PTPRF: variants seen among roughly 807,000 people sequenced by gnomAD.
PTPRF encodes receptor-type tyrosine-protein phosphatase F.
In PTPRF, 59 loss-of-function variants were observed where a neutral mutation model predicts 201.8. The ratio of observed to expected loss-of-function variants is 0.29; its 90% CI spans 0.24 to 0.36. The LOEUF is 0.36. Among genes scored for constraint, PTPRF ranks in the 10% least tolerant of loss-of-function variants. The pLI, the probability that PTPRF is intolerant of heterozygous loss-of-function variation, is 1.00. For synonymous variants in PTPRF, 1,088 were observed against 1,089.7 expected, an observed-to-expected ratio of 1.00 and a Z score of 0.03; for missense variants, 2,132 against 2,690.5, an observed-to-expected ratio of 0.79 and a Z score of 4.59.
chr1:43,605,063 C>A, intron 17 of PTPRF, 63 bp downstream of exon 17: 1 of 1,588,584 alleles, frequency 6.3e-7, no homozygotes, highest in African/African-American at 1.3e-5. Flanking sequence ...TGCTGTCTTT[C>A]CAGTCCTAAC....
At position 43,603,582 on chromosome 1, in the gene PTPRF, G is replaced by T. The variant is rs770208302; in HGVS notation, c.2459-29G>T. ...CTGAGGGTGGGGCAGCAGGAGGGCAGCGCCAGAGCCCAGCCCGTGGTCCTT... is the reference window on the plus strand; with the variant it reads ...CTGAGGGTGGGGCAGCAGGAGGGCATCGCCAGAGCCCAGCCCGTGGTCCTT... On this transcript the variant is annotated intron_variant, in intron 15 of 33. Coordinates refer to ENST00000359947, the MANE Select transcript of PTPRF (RefSeq NM_002840.5). The surrounding 1 kb of genome is among the most constrained non-coding windows in gnomAD (Gnocchi z 5.8). 1.9e-6 allele frequency: 3 copies of T among 1,612,574 alleles called. No individual in the cohort carries two copies. The highest frequency in any genetic ancestry group is 2.7e-5 in the African/African-American group (2 of 75,034).
At chr1:43,584,454 C>T (rs769202721) in intron 7 of PTPRF, among the ~76,000 whole-genome samples, 1 of 152,196 alleles carries the variant, frequency 6.6e-6, no homozygotes, top group Non-Finnish European at 1.5e-5. Context: ...TCTGCGAGGG[C>T]GTCCAGAAAA....
intron 11 of PTPRF, among the ~76,000 whole-genome samples, chr1:43,596,852 C>T (rs11210883): frequency 0.26 from 39,591 of 152,020 alleles, 6,105 homozygotes; most frequent in East Asian, 0.48. Context: ...GGAGAGACCT[C>T]GTGTGAGAGA....
At chr1:43,552,553 G>T (rs76444055) in intron 3 of PTPRF, among the ~76,000 whole-genome samples, 2 of 152,312 alleles carry the variant, frequency 1.3e-5, no homozygotes, top group African/African-American at 4.8e-5. Flanking sequence ...CCAAACAGGT[G>T]GTCTGAAAGG....
At position 43,603,591 on chromosome 1, in the gene PTPRF, C is replaced by T; in HGVS notation, c.2459-20C>T. 6.2e-7 allele frequency: 1 copy of T among 1,612,484 alleles called. No individual in the cohort carries two copies. Among genetic ancestry groups the T allele is most frequent in the Non-Finnish European group, 8.5e-7 (1 of 1,179,062 alleles). On this transcript the variant is annotated intron_variant, in intron 15 of 33. Transcript: ENST00000359947. The surrounding 1 kb of genome is among the most constrained non-coding windows in gnomAD (Gnocchi z 5.8). ...GGGCAGCAGGAGGGCAGCGCCAGAG[C>T]CCAGCCCGTGGTCCTTCAGTCCCAG...
chr1:43,609,240 C>T (rs978760305), intron 21 of PTPRF, 143 bp from the exon 22 acceptor site: 11 of 658,206 alleles, frequency 1.7e-5, no homozygotes, highest in Admixed American at 2.6e-5. Context: ...CTGGCTCCTC[C>T]GCGCTCAGAG....
At chr1:43,593,456 G>A (rs72877516) in intron 11 of PTPRF, among the ~76,000 whole-genome samples, 2 of 152,206 alleles carry the variant, frequency 1.3e-5, no homozygotes, top group Non-Finnish European at 1.5e-5. Flanking sequence ...TGGGCGTCCT[G>A]TGTGTGGTCA....
intron 19 of PTPRF, 99 bp downstream of exon 19, chr1:43,605,721 C>G: frequency 8.6e-7 from 1 of 1,163,682 alleles, no homozygotes; most frequent in Non-Finnish European, 1.3e-6. Context: ...CAGATTCACT[C>G]CCCAAATTGA....
Position 43,604,365 on chromosome 1 carries a change from C to T in PTPRF, c.3037+176C>T, listed in dbSNP as rs556635527. 1.5e-4 allele frequency among the ~76,000 whole-genome samples: 23 copies of T among 152,328 alleles called. No individual in the cohort carries two copies. The East Asian group carries it at 4.2e-3, about 28-fold the overall frequency. ...TGAATGGGCACCACATTCTTGATGC[C>T]TGACCTCTGCTGTCCTTAACCTACT... On this transcript the variant is annotated intron_variant, in intron 16 of 33. Transcript: ENST00000359947.
In PTPRF at chr1:43,618,729, C is replaced by T. The variant is rs749935647; in HGVS notation, c.4471C>T (p.Arg1491Cys). Residue 1491 changes from arginine to cysteine, a missense_variant, in exon 26 of 34, where the codon CGC (arginine) becomes TGC (cysteine). Physicochemically the swap from Arg to Cys is radical, Grantham distance 180 (BLOSUM62 -3). This residue lies in a region of PTPRF where 519 missense variants were observed against 659.5 expected (regional missense o/e 0.79). Transcript: ENST00000359947. Reference sequence around the variant, plus strand: ...AGTGGAGCTGGCCACATACACTGTGCGCACCTTCGCACTCCACAAGGTATA... The same window carrying T: ...AGTGGAGCTGGCCACATACACTGTGTGCACCTTCGCACTCCACAAGGTATA... The part of the protein sequence containing the change: ...DTVELATYTV[R>C]TFALHKSGSS... The T allele has an allele frequency of 1.2e-6, 2 of 1,608,234 alleles. No individual in the cohort carries two copies. Among genetic ancestry groups the T allele is most frequent in the East Asian group, 2.2e-5 (1 of 44,680 alleles).
intron 7 of PTPRF, among the ~76,000 whole-genome samples, chr1:43,582,872 G>A (rs1388064518): frequency 2.0e-5 from 3 of 152,232 alleles, no homozygotes; most frequent in Admixed American, 2.0e-4. Context: ...TCCTCCATGA[G>A]TCCTGAGTCT....
At chr1:43,608,279 G>GTT (rs1655617976) in intron 21 of PTPRF, among the ~76,000 whole-genome samples, 1 of 152,202 alleles carries the variant, frequency 6.6e-6, no homozygotes, top group Non-Finnish European at 1.5e-5. Context: ...GGTGGAAACT[G>GTT]TGACCGTTCC....
rs556925873 is a variant in PTPRF, at chr1:43,615,773, A to C, written c.4072-1672A>C. Among the ~76,000 whole-genome samples, 111 of 151,854 alleles carry C rather than the reference A, an allele frequency of 7.3e-4. 1 individual carries two copies. Among genetic ancestry groups the C allele is most frequent in the African/African-American group, 2.5e-3 (103 of 41,390 alleles). ...AGTAGAGATGGGGTTTCACCGTGTT[A>C]GCCAGGATGGTCTCGATCTCCTGAC... On this transcript the variant is annotated intron_variant, in intron 23 of 33. Coordinates refer to ENST00000359947, the MANE Select transcript of PTPRF (RefSeq NM_002840.5).
At position 43,623,010 on chromosome 1, in the gene PTPRF, C is replaced by T. The variant is rs886637517; in HGVS notation, c.*1007C>T. On this transcript the variant is annotated 3_prime_UTR_variant, in exon 34 of 34. Coordinates refer to ENST00000359947, the MANE Select transcript of PTPRF (RefSeq NM_002840.5). ...GCTGGCTGACCTGGGCCCACAGAGCCTGGCTTTGGTCCCCAGCATTGCAGT... is the reference window on the plus strand; with the variant it reads ...GCTGGCTGACCTGGGCCCACAGAGCTTGGCTTTGGTCCCCAGCATTGCAGT... The T allele has an allele frequency of 3.3e-5, 5 of 152,696 alleles. No homozygotes were observed. Among genetic ancestry groups the T allele is most frequent in the African/African-American group, 1.2e-4 (5 of 41,474 alleles). 9.5% of individuals were successfully genotyped at this position (152,696 alleles called of 1,614,324 possible).
intron 7 of PTPRF, among the ~76,000 whole-genome samples, chr1:43,585,415 C>T (rs1648883117): frequency 6.6e-6 from 1 of 152,146 alleles, no homozygotes; most frequent in Admixed American, 6.5e-5. Flanking sequence ...GTCTCAGTCT[C>T]AGTAACGTTT....
intron 23 of PTPRF, among the ~76,000 whole-genome samples, chr1:43,615,117 C>T (rs1014918251): frequency 5.3e-5 from 8 of 152,178 alleles, no homozygotes; most frequent in Non-Finnish European, 8.8e-5. Context: ...CATCCTAGGG[C>T]TCAAAGATTG....
intron 19 of PTPRF, 115 bp from the exon 20 acceptor site, chr1:43,606,125 G>T (rs618369): frequency 0.68 from 817,242 of 1,193,056 alleles, 282,529 homozygotes; most frequent in Non-Finnish European, 0.71. Flanking sequence ...TGTGGGCTCT[G>T]ACACGGAAGG....
In PTPRF at chr1:43,620,234, T is replaced by G. The variant is rs1557878980; in HGVS notation, c.5238+13T>G. 6.2e-7 allele frequency: 1 copy of G among 1,613,444 alleles called. No individual in the cohort carries two copies. Among genetic ancestry groups the G allele is most frequent in the Non-Finnish European group, 8.5e-7 (1 of 1,179,640 alleles). ...GGAGATGGGCAGGGTGAGCCCACCC[T>G]TTCCCCCAGGGCCCCTGTCATACCT... On this transcript the variant is annotated intron_variant, in intron 30 of 33. Transcript: ENST00000359947.
chr1:43,606,152 C>G (rs578176046), intron 19 of PTPRF, 88 bp from the exon 20 acceptor site: 90 of 1,422,524 alleles, frequency 6.3e-5, no homozygotes, highest in Non-Finnish European at 8.4e-5. Context: ...TTGATCTCGG[C>G]CCAGGGAGCT....
Sources: gnomAD v4.1 joint callset for allele counts (sites outside exome capture counted in the v4.1 genomes callset) on GRCh38, gnomAD v4.1.1 for gene constraint, gnomAD v4.1.1 regional missense constraint, Gnocchi (gnomAD v3.1) non-coding constraint, MANE v1.5 for transcripts, NCBI Gene and HGNC (gene_info 2026-07-23, HGNC 2026-07-21) for gene names.